NIPAL2: variants seen among roughly 807,000 people sequenced by gnomAD.
NIPAL2 encodes the protein NIPA-like protein 2.
A neutral mutation model predicts 48.9 loss-of-function variants in NIPAL2; 43 were observed. That is an observed-to-expected ratio of 0.88 (90% confidence interval 0.69 to 1.13). The LOEUF (loss-of-function observed/expected upper bound fraction) is 1.13. Ranked by LOEUF, NIPAL2 falls within the 50% of genes most tolerant of loss-of-function variation. The probability of loss-of-function intolerance (pLI) is 0.00; values close to 1 mark genes in which losing one functional copy is unlikely to be tolerated. For synonymous variants in NIPAL2, 167 were observed against 174.6 expected (o/e 0.96, Z 0.34); for missense variants, 446 against 461.4 (o/e 0.97, Z 0.31).
At chr8:98,214,187 G>A (rs185136669) in intron 5 of NIPAL2, among the ~76,000 whole-genome samples, 1 of 147,018 alleles carries the variant, frequency 6.8e-6, no homozygotes, top group African/African-American at 2.5e-5. Flanking sequence ...TTTTTGAGAT[G>A]GAGTCTCACT....
chr8:98,209,973 A>G (rs1811230666), intron 6 of NIPAL2, among the ~76,000 whole-genome samples: 1 of 152,028 alleles, frequency 6.6e-6, no homozygotes, highest in South Asian at 2.1e-4. Flanking sequence ...AAAATAAGCA[A>G]TTCATTCAAA....
chr8:98,275,869 C>G (rs189175628), intron 1 of NIPAL2, among the ~76,000 whole-genome samples: 1 of 152,252 alleles, frequency 6.6e-6, no homozygotes, highest in Non-Finnish European at 1.5e-5. Context: ...ATGTTGCTGA[C>G]TAGTGTATCA....
intron 3 of NIPAL2, among the ~76,000 whole-genome samples, chr8:98,236,530 A>T (rs535975005): frequency 1.3e-5 from 2 of 152,208 alleles, no homozygotes; most frequent in South Asian, 4.1e-4. Context: ...CAGAAAGAGC[A>T]GGAAGGATTA....
chr8:98,259,965 C>T (rs1308632506), intron 1 of NIPAL2, among the ~76,000 whole-genome samples: 1 of 152,158 alleles, frequency 6.6e-6, no homozygotes, highest in Non-Finnish European at 1.5e-5. Context: ...TAATTTTAAA[C>T]CACAAAACTT....
At chr8:98,217,173 T>G in intron 5 of NIPAL2, 1 of 985,476 alleles carries the variant, frequency 1.0e-6, no homozygotes, top group Non-Finnish European at 1.2e-6. Context: ...TACACTGGGC[T>G]TCTCAAATCT....
chr8:98,260,637 G>A (rs573092063), intron 1 of NIPAL2, among the ~76,000 whole-genome samples: 2 of 152,170 alleles, frequency 1.3e-5, no homozygotes, highest in Non-Finnish European at 2.9e-5. Context: ...TACGCCCACG[G>A]AGTCTCGCTG....
At chr8:98,280,761 T>TATAGAGAGAGAGAGAGAGAGAGAGAG in intron 1 of NIPAL2, among the ~76,000 whole-genome samples, 2 of 30,028 alleles carry the variant, frequency 6.7e-5, no homozygotes, top group Admixed American at 4.5e-4. Context: ...TATATATATA[T>TATAGAGAGAGAGAGAGAGAGAGAGAG]AGAGAGAGAG....
At chr8:98,273,007 C>T (rs1176001586) in intron 1 of NIPAL2, among the ~76,000 whole-genome samples, 1 of 152,088 alleles carries the variant, frequency 6.6e-6, no homozygotes, top group Non-Finnish European at 1.5e-5. Flanking sequence ...GTTATCATTA[C>T]AGAGAAGAAA....
intron 4 of NIPAL2, among the ~76,000 whole-genome samples, chr8:98,225,684 G>T (rs562110186): frequency 1.4e-4 from 21 of 152,016 alleles, no homozygotes; most frequent in Non-Finnish European, 2.8e-4. Flanking sequence ...AGCTTCTTTG[G>T]GTTAAATCTG....
In NIPAL2 at chr8:98,205,212, T is replaced by G; in HGVS notation, c.690A>C (p.Ser230=). Reference sequence around the variant, plus strand: ...CCATCACAGAAAAAGTGATCATGCCTGAGACGGCCTTTACTGAAATAACAG... The same window carrying G: ...CCATCACAGAAAAAGTGATCATGCCGGAGACGGCCTTTACTGAAATAACAG... ...SLTVISVKAV[S]GMITFSVMDK... The change falls in exon 7 of 11, where the codon TCA becomes TCC. Residue 230 remains serine, a synonymous_variant. Coordinates refer to ENST00000430223, the MANE Select transcript of NIPAL2 (RefSeq NM_001321635.2). 1 of 1,613,450 alleles carries G rather than the reference T, an allele frequency of 6.2e-7. No homozygotes were observed. Among genetic ancestry groups the G allele is most frequent in the Non-Finnish European group, 8.5e-7 (1 of 1,179,786 alleles).
chr8:98,222,714 T>G, intron 4 of NIPAL2, 114 bp from the exon 5 acceptor site: 1 of 988,102 alleles, frequency 1.0e-6, no homozygotes, highest in Non-Finnish European at 1.5e-6. Flanking sequence ...CGCCCCTCCC[T>G]ATTATACTCC....
At chr8:98,255,644 C>T (rs906706931) in intron 1 of NIPAL2, among the ~76,000 whole-genome samples, 1 of 152,076 alleles carries the variant, frequency 6.6e-6, no homozygotes, top group Non-Finnish European at 1.5e-5. Flanking sequence ...ATTTTCTTTT[C>T]CTAATAGAGG....
chr8:98,291,746 A>G (rs938611388), intron 1 of NIPAL2, among the ~76,000 whole-genome samples: 3 of 152,180 alleles, frequency 2.0e-5, no homozygotes, highest in Non-Finnish European at 2.9e-5. Flanking sequence ...CTATACTTCT[A>G]TAGGCCAGGC....
chr8:98,274,269 CTCTCTA>C, intron 1 of NIPAL2, among the ~76,000 whole-genome samples: 1 of 151,772 alleles, frequency 6.6e-6, no homozygotes, highest in South Asian at 2.1e-4. Context: ...ATCTATCTAT[CTCTCTA>C]TCTATCTATC....
At chr8:98,197,180 C>T (rs924074131) in intron 8 of NIPAL2, among the ~76,000 whole-genome samples, 2 of 151,466 alleles carry the variant, frequency 1.3e-5, no homozygotes, top group Non-Finnish European at 2.9e-5. Context: ...GACCACATCA[C>T]AATAAAGCTA....
At position 98,213,807 on chromosome 8, in the gene NIPAL2, C is replaced by T. The variant is rs371728427; in HGVS notation, c.559-1306G>A. The stretch of plus-strand genomic sequence containing the variant: ...CTGATCTAACAGAGCCACTCATTAT[C>T]CTGTCACACCCCCAGCTTCAGGTTG... On this transcript the variant is annotated intron_variant, in intron 5 of 10. Coordinates refer to ENST00000430223, the MANE Select transcript of NIPAL2 (RefSeq NM_001321635.2). 7.2e-5 allele frequency among the ~76,000 whole-genome samples: 11 copies of T among 152,290 alleles called. No individual in the cohort carries two copies. In the South Asian group the frequency reaches 2.3e-3, roughly 32 times the overall value.
chr8:98,191,628 A>T lies in NIPAL2; in HGVS notation c.*1350T>A, dbSNP rs1383831543. 1 of 152,212 alleles carries T rather than the reference A, an allele frequency of 6.6e-6. No homozygotes were observed. Among genetic ancestry groups the T allele is most frequent in the East Asian group, 1.9e-4 (1 of 5,200 alleles). The allele number at this position is 152,212 out of a possible 1,614,324, so 9.4% of individuals were successfully genotyped here. A position where few individuals can be genotyped will look rare whatever the true frequency, so the allele number is the denominator to read the frequency against. The stretch of plus-strand genomic sequence containing the variant: ...TATTGATTGGAATGATATTGGACAG[A>T]CATGTCAGAAGTGATCTGAAGGCTT... On this transcript the variant is annotated 3_prime_UTR_variant, in exon 11 of 11. Transcript: ENST00000430223.
intron 1 of NIPAL2, among the ~76,000 whole-genome samples, chr8:98,276,227 A>T (rs1026905758): frequency 1.3e-5 from 2 of 152,252 alleles, no homozygotes; most frequent in African/African-American, 4.8e-5. Flanking sequence ...TGCCCTAAAA[A>T]TCCTCTGTGC....
At chr8:98,202,260 T>C (rs983833094) in intron 8 of NIPAL2, among the ~76,000 whole-genome samples, 3 of 152,198 alleles carry the variant, frequency 2.0e-5, no homozygotes, top group Non-Finnish European at 4.4e-5. Flanking sequence ...TTTTGGATTG[T>C]ACTGTCTGAT....
Sources: gnomAD v4.1 joint callset for allele counts (sites outside exome capture counted in the v4.1 genomes callset) on GRCh38, gnomAD v4.1.1 for gene constraint, MANE v1.5 for transcripts, NCBI Gene and HGNC (gene_info 2026-07-23, HGNC 2026-07-21) for gene names.